Variants in NALF1 observed in about 807,000 individuals in gnomAD.
NALF1 encodes the protein NALCN channel auxiliary factor 1.
In NALF1, 3 loss-of-function variants were observed where a neutral mutation model predicts 48.4. The observed-to-expected ratio is 0.06, with a 90% CI of 0.03 to 0.16. The LOEUF (loss-of-function observed/expected upper bound fraction) is 0.16, where lower values mean the gene tolerates loss of function less well. Among genes scored for constraint, NALF1 ranks in the 10% least tolerant of loss-of-function variants. NALF1 has a pLI of 1.00. For synonymous variants in NALF1, 262 were observed against 245.7 expected (o/e 1.07, Z -0.62); for missense variants, 526 against 571.5 (o/e 0.92, Z 0.81).
chr13:107,842,222 A>C (rs78072384), intron 1 of NALF1, among the ~76,000 whole-genome samples: 2,302 of 152,102 alleles, frequency 0.015, 57 homozygotes, highest in African/African-American at 0.052. Flanking sequence ...GTTGAAAAAA[A>C]ATTTTTTAGA....
chr13:107,493,931 C>T (rs1030031412), intron 1 of NALF1, among the ~76,000 whole-genome samples: 1 of 152,106 alleles, frequency 6.6e-6, no homozygotes. Flanking sequence ...TGCACACACA[C>T]AGTCACACAC....
At chr13:107,325,845 C>CATATAT (rs1229746465) in intron 1 of NALF1, among the ~76,000 whole-genome samples, 23 of 44,008 alleles carry the variant, frequency 5.2e-4, no homozygotes, top group African/African-American at 9.5e-4. Flanking sequence ...TGTCTCAACA[C>CATATAT]ACACACACAC....
chr13:107,310,345 G>A (rs1882020411), intron 1 of NALF1, among the ~76,000 whole-genome samples: 1 of 151,462 alleles, frequency 6.6e-6, no homozygotes, highest in African/African-American at 2.4e-5. Context: ...GGCAAGCAGA[G>A]GTTACAGCGA....
At chr13:107,535,646 A>G (rs1341521589) in intron 1 of NALF1, among the ~76,000 whole-genome samples, 1 of 152,192 alleles carries the variant, frequency 6.6e-6, no homozygotes, top group Non-Finnish European at 1.5e-5. Context: ...AAATGGCCGT[A>G]CTGCCCAAGG....
chr13:107,630,223 A>C (rs1879797768), intron 1 of NALF1, among the ~76,000 whole-genome samples: 1 of 152,110 alleles, frequency 6.6e-6, no homozygotes, highest in Non-Finnish European at 1.5e-5. Context: ...GTGACACAAG[A>C]GTTACTTGAA....
intron 1 of NALF1, among the ~76,000 whole-genome samples, chr13:107,429,356 T>C (rs1884335714): frequency 6.7e-6 from 1 of 150,170 alleles, no homozygotes; most frequent in African/African-American, 2.4e-5. Flanking sequence ...GCAGTCAAAA[T>C]AGTTCCATGT....
At chr13:107,370,436 C>CT (rs1273841607) in intron 1 of NALF1, among the ~76,000 whole-genome samples, 1 of 152,180 alleles carries the variant, frequency 6.6e-6, no homozygotes, top group East Asian at 1.9e-4. Flanking sequence ...CTTACAAAGC[C>CT]TAAATCAGTA....
chr13:107,840,618 T>C (rs1291188469), intron 1 of NALF1, among the ~76,000 whole-genome samples: 2 of 152,186 alleles, frequency 1.3e-5, no homozygotes, highest in African/African-American at 4.8e-5. Context: ...CACTGACACA[T>C]GCAGCTGCAA....
At position 107,503,667 on chromosome 13, in the gene NALF1, T is replaced by C. The variant is rs146710542; in HGVS notation, c.916-292912A>G. Reference sequence around the variant, plus strand: ...TGTATTCCTATGTTCATTGCAGCATTATTTACAAAAGCCAAGATATGGAAA... The same window carrying C: ...TGTATTCCTATGTTCATTGCAGCATCATTTACAAAAGCCAAGATATGGAAA... On this transcript the variant is annotated intron_variant, in intron 1 of 2. Transcript: ENST00000375915. Among the ~76,000 whole-genome samples, 684 of 152,106 alleles carry C rather than the reference T, an allele frequency of 4.5e-3. 4 individuals carry two copies. Among genetic ancestry groups the C allele is most frequent in the African/African-American group, 0.015 (625 of 41,500 alleles).
chr13:107,329,174 C>A (rs1830525191), intron 1 of NALF1, among the ~76,000 whole-genome samples: 1 of 152,192 alleles, frequency 6.6e-6, no homozygotes, highest in South Asian at 2.1e-4. Context: ...TTCCTTAACA[C>A]ATTGCTTTAA....
At chr13:107,524,543 G>C (rs536833003) in intron 1 of NALF1, among the ~76,000 whole-genome samples, 1 of 152,038 alleles carries the variant, frequency 6.6e-6, no homozygotes, top group South Asian at 2.1e-4. Flanking sequence ...AAGAGGATAA[G>C]GGGAAGTATA....
At chr13:107,593,324 A>G (rs987167016) in intron 1 of NALF1, among the ~76,000 whole-genome samples, 1 of 152,032 alleles carries the variant, frequency 6.6e-6, no homozygotes, top group African/African-American at 2.4e-5. Flanking sequence ...TTTTAATCAA[A>G]TATTTATCCA....
At chr13:107,505,677 C>A (rs1386980133) in intron 1 of NALF1, among the ~76,000 whole-genome samples, 16 of 152,286 alleles carry the variant, frequency 1.1e-4, no homozygotes, top group Admixed American at 6.5e-4. Context: ...TCCCATCAGG[C>A]ATGTGCAAAG....
At position 107,497,871 on chromosome 13, in the gene NALF1, C is replaced by T. The variant is rs149363900; in HGVS notation, c.916-287116G>A. ...CATCTGATAATTAAATACAAAACAACGAAATCACAAATTAGCAAATCTGCC... is the reference window on the plus strand; with the variant it reads ...CATCTGATAATTAAATACAAAACAATGAAATCACAAATTAGCAAATCTGCC... On this transcript the variant is annotated intron_variant, in intron 1 of 2. Transcript: ENST00000375915. Among the ~76,000 whole-genome samples the T allele has an allele frequency of 8.5e-4, 130 of 152,172 alleles. No homozygotes were observed. In the East Asian group the frequency reaches 0.021, roughly 24 times the overall value.
At chr13:107,838,154 T>C (rs1879950728) in intron 1 of NALF1, among the ~76,000 whole-genome samples, 1 of 152,032 alleles carries the variant, frequency 6.6e-6, no homozygotes, top group African/African-American at 2.4e-5. Flanking sequence ...TACTAAGAAG[T>C]TTTGGCATTA....
chr13:107,786,319 G>A lies in NALF1; in HGVS notation c.915+79363C>T, dbSNP rs1025366439. The stretch of plus-strand genomic sequence containing the variant: ...TAATCCCAGCTACTTAGGAGGCTGA[G>A]ACAGGAGAATCATTTGAACCTGGGA... On this transcript the variant is annotated intron_variant, in intron 1 of 2. Transcript: ENST00000375915. 1.8e-4 allele frequency among the ~76,000 whole-genome samples: 26 copies of A among 147,800 alleles called. 1 individual carries two copies. Among genetic ancestry groups the A allele is most frequent in the African/African-American group, 4.0e-4 (16 of 39,858 alleles).
At chr13:107,612,638 G>A (rs61965952) in intron 1 of NALF1, among the ~76,000 whole-genome samples, 5,596 of 152,158 alleles carry the variant, frequency 0.037, 110 homozygotes, top group African/African-American at 0.05. Flanking sequence ...CCCTGAATGA[G>A]GTAGGACATT....
intron 1 of NALF1, among the ~76,000 whole-genome samples, chr13:107,780,030 C>CTTT (rs35078173): frequency 1.5e-5 from 2 of 134,046 alleles, no homozygotes; most frequent in African/African-American, 2.8e-5. Context: ...CCAAGACATA[C>CTTT]TTTTTTTTTT....
In NALF1 at chr13:107,169,798, CCCA is replaced by C. The variant is rs1271754671; in HGVS notation, c.*696_*698del. ...GGTTTGTGCAACAGGGGCTCAGAGG[CCCA>C]CCAAGCGTGCACACCCATTCACTGT... is the stretch of plus-strand genomic sequence containing the variant. On this transcript the variant is annotated 3_prime_UTR_variant, in exon 3 of 3. Coordinates refer to ENST00000375915, the MANE Select transcript of NALF1 (RefSeq NM_001080396.3). The C allele has an allele frequency of 1.3e-5, 2 of 152,606 alleles. No homozygotes were observed. Among genetic ancestry groups the C allele is most frequent in the Non-Finnish European group, 2.9e-5 (2 of 68,074 alleles). 9.5% of individuals were successfully genotyped at this position (152,606 alleles called of 1,614,324 possible). A position where few individuals can be genotyped will look rare whatever the true frequency, so the allele number is the denominator to read the frequency against.
Sources: allele counts gnomAD v4.1 joint callset (sites outside exome capture counted in the v4.1 genomes callset), GRCh38; gene constraint gnomAD v4.1.1; transcripts MANE v1.5; gene names NCBI Gene and HGNC (gene_info 2026-07-23, HGNC 2026-07-21).